ADCY3: variants seen among roughly 807,000 people sequenced by gnomAD.
ADCY3 encodes the protein adenylate cyclase type 3.
ADCY3 carries 70 observed loss-of-function variants against 119.4 expected under a neutral mutation model. The ratio of observed to expected loss-of-function variants is 0.59; its 90% CI spans 0.48 to 0.72. The LOEUF (loss-of-function observed/expected upper bound fraction) is 0.72, where lower values mean the gene tolerates loss of function less well. ADCY3 is among the 30% of genes least tolerant of loss of function. The pLI, the probability that ADCY3 is intolerant of heterozygous loss-of-function variation, is 0.00. For synonymous variants in ADCY3, 672 were observed against 621.4 expected (o/e 1.08, Z -1.21); for missense variants, 1,238 against 1,541.6 (o/e 0.80, Z 3.30).
rs535694883 is a variant in ADCY3, at chr2:24,830,328, C to T, written c.2172+381G>A. Among the ~76,000 whole-genome samples, 49 of 152,256 alleles carry T rather than the reference C, an allele frequency of 3.2e-4. 1 individual carries two copies. Among genetic ancestry groups the T allele is most frequent in the African/African-American group, 1.1e-3 (45 of 41,536 alleles). On this transcript the variant is annotated intron_variant, in intron 13 of 21. Transcript: ENST00000679454. ...TGCTGGGATTACAGGCGTGAGCTAC[C>T]GCGCCCAACCAATTACCCTTTTTGA...
At chr2:24,831,544 CAG>C in intron 12 of ADCY3, 116 bp downstream of exon 12, 2 of 816,546 alleles carry the variant, frequency 2.4e-6, no homozygotes, top group Non-Finnish European at 4.1e-6. Context: ...ACCGTCCTAA[CAG>C]AGGAGTGTCT....
chr2:24,888,750 T>TTTGGGAG (rs1323425771), intron 2 of ADCY3, among the ~76,000 whole-genome samples: 4 of 152,256 alleles, frequency 2.6e-5, no homozygotes, highest in African/African-American at 9.6e-5. Flanking sequence ...GGCTCAGGCC[T>TTTGGGAG]GTAATCCCAG....
At chr2:24,867,588 A>G (rs1424124375) in intron 3 of ADCY3, among the ~76,000 whole-genome samples, 2 of 152,222 alleles carry the variant, frequency 1.3e-5, no homozygotes, top group African/African-American at 4.8e-5. Flanking sequence ...CTGTTGTAGC[A>G]GCACAAAACG....
At chr2:24,830,509 G>T (rs780751001) in intron 13 of ADCY3, among the ~76,000 whole-genome samples, 200 bp downstream of exon 13, 1 of 152,188 alleles carries the variant, frequency 6.6e-6, no homozygotes, top group South Asian at 2.1e-4. Context: ...AAGGAAACAA[G>T]TCCATCCCAG....
intron 2 of ADCY3, among the ~76,000 whole-genome samples, chr2:24,876,656 G>A (rs1675747480): frequency 6.6e-6 from 1 of 152,166 alleles, no homozygotes. Flanking sequence ...GGGCCAGGCA[G>A]GTGTGGCCGC....
intron 15 of ADCY3, among the ~76,000 whole-genome samples, 190 bp downstream of exon 15, chr2:24,827,356 G>T (rs1668771005): frequency 6.6e-6 from 1 of 152,154 alleles, no homozygotes; most frequent in African/African-American, 2.4e-5. Flanking sequence ...CCATCCACCT[G>T]GTATTTCCTT....
chr2:24,845,391 A>C (rs1671546818), intron 3 of ADCY3, among the ~76,000 whole-genome samples: 1 of 152,250 alleles, frequency 6.6e-6, no homozygotes, highest in Admixed American at 6.5e-5. Flanking sequence ...AGGTGGTCTC[A>C]GATGGAGATA....
At chr2:24,822,303 C>G in intron 19 of ADCY3, 1 of 632,042 alleles carries the variant, frequency 1.6e-6, no homozygotes, top group Non-Finnish European at 2.6e-6. Context: ...GAGCTGTGAA[C>G]AGCAGGGGGT....
chr2:24,875,366 C>G (rs955976342), intron 2 of ADCY3, among the ~76,000 whole-genome samples: 4 of 152,244 alleles, frequency 2.6e-5, no homozygotes, highest in African/African-American at 9.6e-5. Context: ...CCCCACCCCC[C>G]GTGGGTGTAG....
At position 24,834,832 on chromosome 2, in the gene ADCY3, C is replaced by T. The variant is rs1224933003; in HGVS notation, c.1767G>A (p.Leu589=). The T allele has an allele frequency of 1.2e-6, 2 of 1,613,800 alleles. No individual in the cohort carries two copies. Residue 589 remains leucine (L), a synonymous_variant, in exon 10 of 22, where the codon CTG becomes CTA. Coordinates refer to ENST00000679454, the MANE Select transcript of ADCY3 (RefSeq NM_004036.5). The surrounding 1 kb of genome is among the most constrained non-coding windows in gnomAD (Gnocchi z 4.2). The part of the protein sequence containing the change: ...ASEDEHELNQ[L]LNEALLERES... ...CTCGCTCAAGCAGGGCCTCGTTGAG[C>T]AGCTGGTTGAGCTCGTGCTCATCTT...
chr2:24,871,871 G>T (rs1020029817), intron 3 of ADCY3, among the ~76,000 whole-genome samples: 28 of 152,340 alleles, frequency 1.8e-4, no homozygotes, highest in African/African-American at 6.7e-4. Flanking sequence ...GGATGGTGCG[G>T]CCATGGAAGA....
At chr2:24,848,994 G>A (rs1671977749) in intron 3 of ADCY3, among the ~76,000 whole-genome samples, 1 of 152,196 alleles carries the variant, frequency 6.6e-6, no homozygotes, top group South Asian at 2.1e-4. Flanking sequence ...GTGCTGCTTG[G>A]GTGAGGAGGG....
At chr2:24,853,948 T>A (rs770189823) in intron 3 of ADCY3, among the ~76,000 whole-genome samples, 5 of 152,218 alleles carry the variant, frequency 3.3e-5, no homozygotes, top group Admixed American at 2.0e-4. Context: ...CAGTACACAA[T>A]TGAATGGTGA....
intron 2 of ADCY3, among the ~76,000 whole-genome samples, chr2:24,911,629 G>A (rs866240600): frequency 5.5e-4 from 37 of 67,500 alleles, no homozygotes; most frequent in African/African-American, 2.7e-3. Flanking sequence ...CAGCCTGGGA[G>A]ACAGACTCAA....
At chr2:24,851,935 A>G (rs189350433) in intron 3 of ADCY3, among the ~76,000 whole-genome samples, 3 of 152,298 alleles carry the variant, frequency 2.0e-5, no homozygotes, top group Admixed American at 2.0e-4. Flanking sequence ...GGTCAGAGAG[A>G]TGGATTGGAG....
Position 24,830,925 on chromosome 2 carries a change from G to A in ADCY3, c.2056-100C>T, listed in dbSNP as rs947560429. 6.4e-6 allele frequency: 6 copies of A among 939,902 alleles called. No homozygotes were observed. The African/African-American group carries it at 6.6e-5, about 10-fold the overall frequency. 58.2% of individuals were successfully genotyped at this position (939,902 alleles called of 1,614,324 possible). A position where few individuals can be genotyped will look rare whatever the true frequency, so the allele number is the denominator to read the frequency against. ...AGGCTGGTCCCGTATTCCAGTCCCAGGAGCCTCAAAACGGACTCTGCCTGG... is the reference window on the plus strand; with the variant it reads ...AGGCTGGTCCCGTATTCCAGTCCCAAGAGCCTCAAAACGGACTCTGCCTGG... On this transcript the variant is annotated intron_variant, in intron 12 of 21. Coordinates refer to ENST00000679454, the MANE Select transcript of ADCY3 (RefSeq NM_004036.5).
In ADCY3 at chr2:24,878,215, G is replaced by T. The variant is rs1675951314; in HGVS notation, c.676-5496C>A. ...TGGACTAAAGTGTCATCTAACCCAT[G>T]ACAGCCTGATAAAGTGTTTCTAATA... is the stretch of plus-strand genomic sequence containing the variant. On this transcript the variant is annotated intron_variant, in intron 2 of 21. Coordinates refer to ENST00000679454, the MANE Select transcript of ADCY3 (RefSeq NM_004036.5). The surrounding 1 kb of genome is among the most constrained non-coding windows in gnomAD (Gnocchi z 4.0). Among the ~76,000 whole-genome samples, 1 of 152,088 alleles carries T rather than the reference G, an allele frequency of 6.6e-6. No individual in the cohort carries two copies. The highest frequency in any genetic ancestry group is 2.1e-4 in the South Asian group (1 of 4,824).
At position 24,821,643 on chromosome 2, in the gene ADCY3, G is replaced by T; in HGVS notation, c.3004-3C>A. On this transcript the variant is annotated splice_polypyrimidine_tract_variant and splice_region_variant and intron_variant, in intron 19 of 21. Coordinates refer to ENST00000679454, the MANE Select transcript of ADCY3 (RefSeq NM_004036.5). ...CGCTCTCTCTCGGACTTGTCTTCCT[G>T]TGCCAGGGGACCGTGGAGAAAGTGT... The T allele has an allele frequency of 6.2e-7, 1 of 1,613,878 alleles. No individual in the cohort carries two copies. Among genetic ancestry groups the T allele is most frequent in the South Asian group, 1.1e-5 (1 of 91,074 alleles).
chr2:24,889,192 C>T (rs1169442054), intron 2 of ADCY3, among the ~76,000 whole-genome samples: 1 of 152,178 alleles, frequency 6.6e-6, no homozygotes, highest in Non-Finnish European at 1.5e-5. Flanking sequence ...AAATGGTTGG[C>T]CAATACAGGG....
Sources: allele counts gnomAD v4.1 joint callset (sites outside exome capture counted in the v4.1 genomes callset), GRCh38; gene constraint gnomAD v4.1.1; non-coding constraint Gnocchi (gnomAD v3.1); transcripts MANE v1.5; gene names NCBI Gene and HGNC (gene_info 2026-07-23, HGNC 2026-07-21).